SLC4A9: variants seen among roughly 807,000 people sequenced by gnomAD.
SLC4A9 encodes anion exchange protein 4.
A neutral mutation model predicts 103.2 loss-of-function variants in SLC4A9; 102 were observed. The observed-to-expected ratio is 0.99, with a 90% CI of 0.84 to 1.17. The LOEUF is 1.17. Ranked by LOEUF, SLC4A9 falls within the 50% of genes most tolerant of loss-of-function variation. The pLI is 0.00. For missense variants in SLC4A9, 1,091 were observed against 1,193.7 expected, an observed-to-expected ratio of 0.91 and a Z score of 1.27; for synonymous variants, 453 against 483.6, an observed-to-expected ratio of 0.94 and a Z score of 0.83.
rs1355880243 is a variant in SLC4A9 at position 140,372,733 on chromosome 5, T to C, written c.2827-12T>C. ...TCTATTCTCAATCCATCTTGGGATC[T>C]GTCTTCCACAGTCAGAGCTGATGTA... On this transcript the variant is annotated splice_polypyrimidine_tract_variant and intron_variant, in intron 20 of 21. Transcript: ENST00000506757. 6.4e-7 allele frequency: 1 copy of C among 1,561,632 alleles called. No homozygotes were observed. The highest frequency in any genetic ancestry group is 8.7e-7 in the Non-Finnish European group (1 of 1,154,180).
Position 140,363,189 on chromosome 5 carries a change from G to GGCA in SLC4A9, c.962+125_962+127dup. On this transcript the variant is annotated intron_variant, in intron 7 of 21. Transcript: ENST00000506757. This position sits in a 1 kb window ranked among gnomAD's most constrained non-coding sequence, Gnocchi z 4.5. ...GGACCTATCTTTGGATTTGGAGTCA[G>GGCA]GCAGACCTAACTCTGAGTTCTGCTG... 5 of 1,306,268 alleles carry GGCA rather than the reference G, an allele frequency of 3.8e-6. No homozygotes were observed. The highest frequency in any genetic ancestry group is 5.3e-6 in the Non-Finnish European group (5 of 950,074). 80.9% of individuals were successfully genotyped at this position (1,306,268 alleles called of 1,614,324 possible). A position where few individuals can be genotyped will look rare whatever the true frequency, so the allele number is the denominator to read the frequency against.
At chr5:140,361,743 G>C (rs1437844377) in intron 3 of SLC4A9, 65 bp from the exon 4 acceptor site, 3 of 1,574,178 alleles carry the variant, frequency 1.9e-6, no homozygotes, top group Non-Finnish European at 2.6e-6. Context: ...AAAGTGATTA[G>C]GGAATCCTGG....
rs372475476 is a variant in SLC4A9 at position 140,365,883 on chromosome 5, G to A, written c.1760G>A (p.Arg587Gln). ...TTGCTGCCGCCACCTGAGTGCACCC[G>A]GCAGGGAGGCCACCCTCGTGGCCCT... is the stretch of plus-strand genomic sequence containing the variant. ...ASLLPPPECTRQGGHPRGPGC... is the reference protein window; with the variant it reads ...ASLLPPPECTQQGGHPRGPGC... Residue 587 changes from arginine to glutamine, a missense_variant, in exon 13 of 22, where the codon CGG (arginine) becomes CAG (glutamine). Physicochemically the swap from Arg to Gln is conservative, Grantham distance 43. Coordinates refer to ENST00000506757, the MANE Select transcript of SLC4A9 (RefSeq NM_031467.3). The A allele has an allele frequency of 2.2e-5, 35 of 1,613,956 alleles. No homozygotes were observed. Among genetic ancestry groups the A allele is most frequent in the Middle Eastern group, 1.6e-4 (1 of 6,062 alleles).
At position 140,372,807 on chromosome 5, in the gene SLC4A9, G is replaced by A. The variant is rs1459065246; in HGVS notation, c.*9G>A. 12 of 1,557,894 alleles carry A rather than the reference G, an allele frequency of 7.7e-6. No individual in the cohort carries two copies. The highest frequency in any genetic ancestry group is 1.0e-5 in the Non-Finnish European group (12 of 1,150,452). On this transcript the variant is annotated 3_prime_UTR_variant, in exon 21 of 22. Coordinates refer to ENST00000506757, the MANE Select transcript of SLC4A9 (RefSeq NM_031467.3). ...ACATTTCTGTGAATTAGCTGGAGTA[G>A]GAGTCTGGGAGTGGAGACCCCAGGA... is the stretch of plus-strand genomic sequence containing the variant.
chr5:140,362,330 G>C (rs979796708), intron 5 of SLC4A9, 115 bp from the exon 6 acceptor site: 4 of 1,248,224 alleles, frequency 3.2e-6, no homozygotes, highest in African/African-American at 3.0e-5. Flanking sequence ...CTGCATGGTA[G>C]GTGTGCAAAT....
rs371996413 is a variant in SLC4A9, at chr5:140,360,969, G to A, written c.388G>A (p.Val130Met). The A allele has an allele frequency of 3.6e-5, 57 of 1,575,308 alleles. No homozygotes were observed. The highest frequency in any genetic ancestry group is 2.3e-5 in the South Asian group (2 of 86,922). Reference sequence around the variant, plus strand: ...CCCAGCTCAGAGCCTCCTGGAGCTCGTGGGTAGGCTGGGATCCTTTGCAGG... The same window carrying A: ...CCCAGCTCAGAGCCTCCTGGAGCTCATGGGTAGGCTGGGATCCTTTGCAGG... ...DCPAQSLLEL[V>M]EQVTRVESLS... Residue 130 changes from valine (V) to methionine (M), a missense_variant, in exon 2 of 22, where the codon GTG (valine) becomes ATG (methionine). Val to Met is a conservative substitution (Grantham distance 21). Transcript: ENST00000506757.
At position 140,364,475 on chromosome 5, in the gene SLC4A9, C is replaced by G. The variant is rs779286570; in HGVS notation, c.1501C>G (p.Arg501Gly). The stretch of plus-strand genomic sequence containing the variant: ...CAGTGTGCTGGTGCGCTACTTCACC[C>G]GCTTCACTGAGGAAGGTTTCTGTGC... ...EASVLVRYFT[R>G]FTEEGFCALI... Residue 501 changes from arginine (R) to glycine (G), a missense_variant, in exon 11 of 22, where the codon CGC (arginine) becomes GGC (glycine). By Grantham distance (125) the Arg-to-Gly change is moderately radical (BLOSUM62 -2). Coordinates refer to ENST00000506757, the MANE Select transcript of SLC4A9 (RefSeq NM_031467.3). 4.3e-6 allele frequency: 7 copies of G among 1,612,860 alleles called. No homozygotes were observed. In the South Asian group the frequency reaches 4.4e-5, roughly 10 times the overall value.
rs1767579148 is a variant in SLC4A9 at position 140,364,377 on chromosome 5, A to T, written c.1403A>T (p.Asp468Val). ...LFSFSRDYSL[D>V]YLPFRLWVGI... ...CATCCCCACAGAGATTACAGCCTGG[A>T]CTACCTGCCCTTCCGCCTATGGGTG... The change falls in exon 11 of 22, where the codon GAC becomes GTC. Residue 468 changes from aspartate to valine, a missense_variant. Asp to Val is a radical substitution (Grantham distance 152). Transcript: ENST00000506757. The T allele has an allele frequency of 3.7e-6, 6 of 1,612,700 alleles. No individual in the cohort carries two copies. The East Asian group carries it at 1.1e-4, about 30-fold the overall frequency.
chr5:140,365,884 G>A lies in SLC4A9; in HGVS notation c.1761G>A (p.Arg587=). 2 of 1,613,930 alleles carry A rather than the reference G, an allele frequency of 1.2e-6. No individual in the cohort carries two copies. The highest frequency in any genetic ancestry group is 2.2e-5 in the South Asian group (2 of 91,072). The part of the protein sequence containing the change: ...ASLLPPPECT[R]QGGHPRGPGC... Reference sequence around the variant, plus strand: ...TGCTGCCGCCACCTGAGTGCACCCGGCAGGGAGGCCACCCTCGTGGCCCTG... The same window carrying A: ...TGCTGCCGCCACCTGAGTGCACCCGACAGGGAGGCCACCCTCGTGGCCCTG... The change falls in exon 13 of 22, where the codon CGG becomes CGA. Residue 587 remains arginine (R), a synonymous_variant. Coordinates refer to ENST00000506757, the MANE Select transcript of SLC4A9 (RefSeq NM_031467.3).
chr5:140,371,602 C>T lies in SLC4A9; in HGVS notation c.2648C>T (p.Ala883Val). ...GLLWIIKSTPAAIIFPLMLLG... is the reference protein window; with the variant it reads ...GLLWIIKSTPVAIIFPLMLLG... ...CTTTGGATAATCAAGTCTACCCCTGCAGCCATCATCTTCCCCCTCATGGTA... is the reference window on the plus strand; with the variant it reads ...CTTTGGATAATCAAGTCTACCCCTGTAGCCATCATCTTCCCCCTCATGGTA... The change falls in exon 19 of 22, where the codon GCA becomes GTA. Residue 883 changes from alanine to valine, a missense_variant. By Grantham distance (64) the Ala-to-Val change is moderately conservative (BLOSUM62 0). Coordinates refer to ENST00000506757, the MANE Select transcript of SLC4A9 (RefSeq NM_031467.3). The T allele has an allele frequency of 1.9e-6, 3 of 1,614,056 alleles. No individual in the cohort carries two copies. Among genetic ancestry groups the T allele is most frequent in the Non-Finnish European group, 1.7e-6 (2 of 1,179,896 alleles).
chr5:140,361,401 C>A, intron 3 of SLC4A9, 34 bp downstream of exon 3: 1 of 1,516,548 alleles, frequency 6.6e-7, no homozygotes, highest in African/African-American at 1.4e-5. Context: ...GGACCAAGAC[C>A]CTGGTGTGGC....
intron 20 of SLC4A9, 83 bp downstream of exon 20, chr5:140,372,480 A>G: frequency 6.4e-7 from 1 of 1,563,220 alleles, no homozygotes; most frequent in Non-Finnish European, 8.6e-7. Flanking sequence ...CCTAAATAAT[A>G]TCTCCAGTAA....
chr5:140,374,498 C>T (rs1016398538), intron 21 of SLC4A9, among the ~76,000 whole-genome samples: 2 of 145,470 alleles, frequency 1.4e-5, no homozygotes, highest in Non-Finnish European at 3.0e-5. Flanking sequence ...TGCAGTGAGC[C>T]GAGATTGCAC....
Position 140,360,878 on chromosome 5 carries a change from C to T in SLC4A9, c.297C>T (p.Thr99=). The T allele has an allele frequency of 6.2e-7, 1 of 1,611,576 alleles. No individual in the cohort carries two copies. The change falls in exon 2 of 22, where the codon ACC becomes ACT. Residue 99 remains threonine (T), a synonymous_variant. Coordinates refer to ENST00000506757, the MANE Select transcript of SLC4A9 (RefSeq NM_031467.3). The stretch of plus-strand genomic sequence containing the variant: ...GGTGGAGTGCCCCCCACGTGCCCAC[C>T]CTGGCACTGCCCAGCCTCCAGAAGC... ...AGRWSAPHVP[T]LALPSLQKLR...
At chr5:140,364,676 G>A in intron 11 of SLC4A9, 51 bp downstream of exon 11, 1 of 1,567,572 alleles carries the variant, frequency 6.4e-7, no homozygotes, top group Non-Finnish European at 8.7e-7. Flanking sequence ...ATGTAGGGAA[G>A]GGGAGGGGCT....
chr5:140,369,591 T>C (rs1768395374), intron 17 of SLC4A9, among the ~76,000 whole-genome samples: 1 of 151,978 alleles, frequency 6.6e-6, no homozygotes, highest in South Asian at 2.1e-4. Context: ...GACAAGAGGT[T>C]AGGGAAGGGA....
chr5:140,370,842 G>A (rs1768605810), intron 17 of SLC4A9: 2 of 501,760 alleles, frequency 4.0e-6, no homozygotes, highest in South Asian at 5.2e-5. Flanking sequence ...GGTAGGCCAG[G>A]TAATGGACAA....
chr5:140,373,019 A>G (rs1325713875), intron 21 of SLC4A9, among the ~76,000 whole-genome samples, 176 bp downstream of exon 21: 1 of 152,174 alleles, frequency 6.6e-6, no homozygotes, highest in Non-Finnish European at 1.5e-5. Flanking sequence ...GTAACTGGCA[A>G]GGGTGCCTGG....
intron 17 of SLC4A9, 35 bp downstream of exon 17, chr5:140,368,694 T>C (rs1432870848): frequency 1.2e-5 from 19 of 1,580,694 alleles, no homozygotes; most frequent in Non-Finnish European, 1.5e-5. Context: ...TCAGGGTCAG[T>C]GTAGTAATAA....
Sources: gnomAD v4.1 joint callset for allele counts (sites outside exome capture counted in the v4.1 genomes callset) on GRCh38, gnomAD v4.1.1 for gene constraint, Gnocchi (gnomAD v3.1) non-coding constraint, MANE v1.5 for transcripts, NCBI Gene and HGNC (gene_info 2026-07-23, HGNC 2026-07-21) for gene names.